Variants in SEMA4B observed in about 807,000 individuals in gnomAD.
SEMA4B encodes semaphorin-4B.
SEMA4B carries 55 observed loss-of-function variants against 88.1 expected under a neutral mutation model. The ratio of observed to expected loss-of-function variants is 0.62; its 90% CI spans 0.50 to 0.78. The LOEUF (loss-of-function observed/expected upper bound fraction) is 0.78, where lower values mean the gene tolerates loss of function less well. Ranked by LOEUF, SEMA4B falls within the 30% of genes least tolerant of loss-of-function variation. SEMA4B has a pLI of 0.00. For missense variants in SEMA4B, 1,062 were observed against 1,111.9 expected, an observed-to-expected ratio of 0.96 and a Z score of 0.64; for synonymous variants, 525 against 473.6, an observed-to-expected ratio of 1.11 and a Z score of -1.41.
rs1272504511 is a variant in SEMA4B at position 90,221,049 on chromosome 15, G to A, written c.551G>A (p.Arg184His). The A allele has an allele frequency of 9.3e-6, 15 of 1,610,756 alleles. No individual in the cohort carries two copies. The highest frequency in any genetic ancestry group is 1.1e-5 in the South Asian group (1 of 90,096). The change falls in exon 5 of 14, where the codon CGT becomes CAT. Residue 184 changes from arginine (R) to histidine (H), a missense_variant. Physicochemically the swap from Arg to His is conservative, Grantham distance 29 (BLOSUM62 0). Transcript: ENST00000411539. ...GNVLLEDGKGRCPFDPNFKST... is the reference protein window; with the variant it reads ...GNVLLEDGKGHCPFDPNFKST... ...GTCCTCCTGGAAGATGGCAAGGGCC[G>A]TTGTCCCTTCGACCCGAATTTCAAG...
At chr15:90,224,084 C>G in intron 9 of SEMA4B, 96 bp downstream of exon 9, 1 of 1,189,164 alleles carries the variant, frequency 8.4e-7, no homozygotes, top group Non-Finnish European at 1.2e-6. Context: ...GGGCAGATCA[C>G]TTGGCTTCTC....
intron 1 of SEMA4B, among the ~76,000 whole-genome samples, chr15:90,187,956 G>A (rs1960213549): frequency 6.7e-6 from 1 of 149,800 alleles, no homozygotes; most frequent in Non-Finnish European, 1.5e-5. Context: ...AGTGAGCTGA[G>A]ATCATGCCAT....
At chr15:90,197,480 C>T (rs1235225014), upstream of SEMA4B, among the ~76,000 whole-genome samples, 1 of 151,942 alleles carries the variant, frequency 6.6e-6, no homozygotes, top group African/African-American at 2.4e-5. Context: ...CTCTGTCCCC[C>T]AGGCTGGAGT....
upstream of SEMA4B, chr15:90,184,924 C>G (rs1325279709): frequency 2.0e-6 from 2 of 985,632 alleles, no homozygotes; most frequent in African/African-American, 3.5e-5. Context: ...CCCAGCATTT[C>G]CGGGGACGCC....
chr15:90,184,925 C>A (rs1396465067), upstream of SEMA4B: 1 of 985,642 alleles, frequency 1.0e-6, no homozygotes, highest in African/African-American at 1.7e-5. Flanking sequence ...CCAGCATTTC[C>A]GGGGACGCCG....
intron 5 of SEMA4B, 100 bp from the exon 6 acceptor site, chr15:90,221,267 C>A: frequency 1.6e-6 from 2 of 1,219,962 alleles, no homozygotes; most frequent in Middle Eastern, 2.1e-4. Flanking sequence ...TCTCTGCCCA[C>A]CACAGGCAAA....
At chr15:90,214,893 A>T in intron 1 of SEMA4B, 2 of 912,410 alleles carry the variant, frequency 2.2e-6, no homozygotes, top group Non-Finnish European at 3.0e-6. Context: ...TTTATATTTC[A>T]CTACTTTCTT....
intron 1 of SEMA4B, among the ~76,000 whole-genome samples, chr15:90,209,767 A>T (rs1961170498): frequency 6.6e-6 from 1 of 152,156 alleles, no homozygotes; most frequent in South Asian, 2.1e-4. Flanking sequence ...GTCTCAAAGG[A>T]TGAGTGTGAG....
intron 1 of SEMA4B, among the ~76,000 whole-genome samples, chr15:90,208,537 C>T (rs767450892): frequency 1.2e-4 from 19 of 152,122 alleles, no homozygotes; most frequent in African/African-American, 2.4e-4. Context: ...TGCACTGCCA[C>T]GTACTGTGTT....
Position 90,228,360 on chromosome 15 carries a change from T to C in SEMA4B, c.2231T>C (p.Met744Thr). 6.2e-7 allele frequency: 1 copy of C among 1,601,804 alleles called. No individual in the cohort carries two copies. Among genetic ancestry groups the C allele is most frequent in the Non-Finnish European group, 8.5e-7 (1 of 1,173,538 alleles). The change falls in exon 14 of 14, where the codon ATG becomes ACG. Residue 744 changes from methionine to threonine, a missense_variant. Coordinates refer to ENST00000411539, the MANE Select transcript of SEMA4B (RefSeq NM_198925.4). ...TTGCTCTACCGGCACCGGAACAGCA[T>C]GAAAGTCTTCCTGAAGCAGGGGGAA... Reference protein sequence around the residue: ...LFLLYRHRNSMKVFLKQGECA... With the variant: ...LFLLYRHRNSTKVFLKQGECA...
rs1961870770 is a variant in SEMA4B at position 90,221,895 on chromosome 15, C to T, written c.861+130C>T. 5.4e-6 allele frequency: 4 copies of T among 742,654 alleles called. No homozygotes were observed. The South Asian group carries it at 8.8e-5, about 16-fold the overall frequency. 46.0% of individuals were successfully genotyped at this position (742,654 alleles called of 1,614,324 possible). ...GTACAGCTTGGCTAACAGCTTTTCT[C>T]TCTCACCTTTTAAATTAAAATATCT... On this transcript the variant is annotated intron_variant, in intron 7 of 13. Coordinates refer to ENST00000411539, the MANE Select transcript of SEMA4B (RefSeq NM_198925.4).
chr15:90,193,358 A>G (rs7180857), intron 1 of SEMA4B: 6,899 of 152,326 alleles, frequency 0.045, 496 homozygotes, highest in African/African-American at 0.15. Flanking sequence ...CAAAGACCAA[A>G]GCTGCTGTGC....
chr15:90,210,842 G>T (rs1348755159), intron 1 of SEMA4B, among the ~76,000 whole-genome samples: 2 of 152,188 alleles, frequency 1.3e-5, no homozygotes. Flanking sequence ...AACTTCTGTG[G>T]AGGAGTGAGT....
At chr15:90,199,952 G>C (rs748438949), upstream of SEMA4B, among the ~76,000 whole-genome samples, 2 of 152,170 alleles carry the variant, frequency 1.3e-5, no homozygotes, top group Non-Finnish European at 2.9e-5. Context: ...ATCCAAACCT[G>C]GGCAATAGTA....
At chr15:90,198,633 AG>A (rs1208379247), upstream of SEMA4B, among the ~76,000 whole-genome samples, 9 of 152,184 alleles carry the variant, frequency 5.9e-5, no homozygotes, top group Non-Finnish European at 1.3e-4. Context: ...GTGGTTATCT[AG>A]GGGGAGAGTG....
In SEMA4B at chr15:90,217,530, C is replaced by G; in HGVS notation, c.249C>G (p.Tyr83Ter). Residue 83 changes from tyrosine to a stop codon, truncating the protein, a stop_gained, in exon 2 of 14, where the codon TAC becomes TAG. Coordinates refer to ENST00000411539, the MANE Select transcript of SEMA4B (RefSeq NM_198925.4). LOFTEE classifies it high-confidence loss of function. ...TGAGCAGGGATGGCAGGACCCTGTA[C>G]GTGGGTGCTCGAGAGGCCCTCTTTG... The part of the protein sequence containing the change: ...LLLSRDGRTL[Y>*]VGAREALFAL... The G allele has an allele frequency of 6.2e-7, 1 of 1,613,968 alleles. No individual in the cohort carries two copies. Among genetic ancestry groups the G allele is most frequent in the South Asian group, 1.1e-5 (1 of 91,082 alleles).
chr15:90,197,261 A>T (rs902319047), upstream of SEMA4B, among the ~76,000 whole-genome samples: 9 of 151,998 alleles, frequency 5.9e-5, no homozygotes, highest in African/African-American at 2.2e-4. Context: ...GTGGTGGTGC[A>T]TGCCTGTAGT....
chr15:90,227,407 T>A lies in SEMA4B; in HGVS notation c.1689-150T>A. On this transcript the variant is annotated intron_variant, in intron 12 of 13. Coordinates refer to ENST00000411539, the MANE Select transcript of SEMA4B (RefSeq NM_198925.4). ...GTGTTATCTTAGCTTTGACTTGAAA[T>A]AATGTGTAGACAGAGGAGATGCTGA... The A allele has an allele frequency of 8.0e-6, 5 of 621,778 alleles. No individual in the cohort carries two copies. The South Asian group carries it at 9.8e-5, about 12-fold the overall frequency. The allele number at this position is 621,778 out of a possible 1,614,324, so 38.5% of individuals were successfully genotyped here.
chr15:90,210,287 A>T (rs1800183392), intron 1 of SEMA4B, among the ~76,000 whole-genome samples: 1 of 152,138 alleles, frequency 6.6e-6, no homozygotes, highest in African/African-American at 2.4e-5. Context: ...GCCCTTCTGC[A>T]CTGTGGGGTC....
Sources: allele counts gnomAD v4.1 joint callset (sites outside exome capture counted in the v4.1 genomes callset), GRCh38; gene constraint gnomAD v4.1.1; transcripts MANE v1.5; gene names NCBI Gene and HGNC (gene_info 2026-07-23, HGNC 2026-07-21).